SCAI: variants seen among roughly 807,000 people sequenced by gnomAD.
SCAI encodes the protein suppressor of cancer cell invasion, also known as protein SCAI.
Under a neutral mutation model 92.2 loss-of-function variants are expected in SCAI, and 24 were observed. The ratio of observed to expected loss-of-function variants is 0.26; its 90% confidence interval spans 0.19 to 0.37. The LOEUF is 0.37. SCAI is among the 10% of genes least tolerant of loss of function. The pLI is 1.00. For missense variants in SCAI, 450 were observed against 736.2 expected (o/e 0.61, Z 4.50); for synonymous variants, 261 against 258.6 (o/e 1.01, Z -0.09).
intron 2 of SCAI, among the ~76,000 whole-genome samples, chr9:125,119,743 C>T (rs923182898): frequency 6.6e-5 from 10 of 152,222 alleles, no homozygotes; most frequent in African/African-American, 2.2e-4. Context: ...CTCTGCTCTA[C>T]ATATAAACAC....
At chr9:125,111,964 C>T (rs1178739288) in intron 2 of SCAI, among the ~76,000 whole-genome samples, 6 of 152,032 alleles carry the variant, frequency 3.9e-5, no homozygotes, top group East Asian at 1.9e-4. Flanking sequence ...TCAAGTATTC[C>T]GCCAAGTACT....
chr9:125,001,981 A>T lies in SCAI; in HGVS notation c.1128T>A (p.Gly376=). The T allele has an allele frequency of 1.2e-6, 2 of 1,612,756 alleles. No homozygotes were observed. The highest frequency in any genetic ancestry group is 1.7e-6 in the Non-Finnish European group (2 of 1,178,788). The change falls in exon 12 of 18, where the codon GGT becomes GGA. Residue 376 remains glycine, a synonymous_variant. Coordinates refer to ENST00000336505, the MANE Select transcript of SCAI (RefSeq NM_001144877.3). ...YLSATGVFPT[G]RSDSEGPYDF... ...TTATTGTACCTTCACTATCAGAACG[A>T]CCTGTGGGGAAAACGCCAGTGGCCG...
chr9:124,973,571 G>A (rs1302636689), intron 15 of SCAI, among the ~76,000 whole-genome samples: 2 of 152,168 alleles, frequency 1.3e-5, no homozygotes, highest in East Asian at 1.9e-4. Context: ...GGTGGCTCAC[G>A]CCTGTAATCC....
intron 2 of SCAI, among the ~76,000 whole-genome samples, chr9:125,123,784 GAAAC>G (rs947641487): frequency 2.6e-5 from 4 of 152,230 alleles, no homozygotes; most frequent in Non-Finnish European, 4.4e-5. Flanking sequence ...AAGAAACAAA[GAAAC>G]AAACAAACAA....
At chr9:125,009,791 G>A (rs1165457092) in intron 9 of SCAI, among the ~76,000 whole-genome samples, 2 of 152,134 alleles carry the variant, frequency 1.3e-5, no homozygotes, top group Non-Finnish European at 2.9e-5. Context: ...TACTCAGGAG[G>A]CTGAGGCAGG....
At chr9:125,104,602 T>TA (rs1834738094) in intron 2 of SCAI, among the ~76,000 whole-genome samples, 1 of 124,074 alleles carries the variant, frequency 8.1e-6, no homozygotes, top group Non-Finnish European at 1.7e-5. Flanking sequence ...GTGTTTTACT[T>TA]TAAAAAAAAA....
At chr9:125,019,997 C>T (rs1832836888) in intron 7 of SCAI, among the ~76,000 whole-genome samples, 1 of 151,200 alleles carries the variant, frequency 6.6e-6, no homozygotes, top group African/African-American at 2.4e-5. Flanking sequence ...CTGCTTGAGC[C>T]CAGGAGGCAG....
chr9:125,053,195 G>A lies in SCAI; in HGVS notation c.230+2681C>T, dbSNP rs978625008. Reference sequence around the variant, plus strand: ...CCAAAAATACAAAAATTACTTGGGCGTGGTGTTAGGCACCTGTAATTTCAG... The same window carrying A: ...CCAAAAATACAAAAATTACTTGGGCATGGTGTTAGGCACCTGTAATTTCAG... On this transcript the variant is annotated intron_variant, in intron 3 of 17. Coordinates refer to ENST00000336505, the MANE Select transcript of SCAI (RefSeq NM_001144877.3). 2.6e-5 allele frequency among the ~76,000 whole-genome samples: 4 copies of A among 152,056 alleles called. No individual in the cohort carries two copies. The South Asian group carries it at 6.2e-4, about 24-fold the overall frequency.
chr9:124,965,837 A>C (rs1831528464), intron 17 of SCAI, among the ~76,000 whole-genome samples: 1 of 152,142 alleles, frequency 6.6e-6, no homozygotes, highest in Non-Finnish European at 1.5e-5. Flanking sequence ...CTTCATATGG[A>C]TCCCATGGTG....
chr9:125,005,339 T>A (rs944139418), intron 9 of SCAI, among the ~76,000 whole-genome samples: 1 of 152,062 alleles, frequency 6.6e-6, no homozygotes, highest in Non-Finnish European at 1.5e-5. Context: ...TTAATATACG[T>A]GTGTGTGTAT....
intron 17 of SCAI, chr9:124,968,807 C>T: frequency 1.4e-6 from 1 of 735,216 alleles, no homozygotes; most frequent in Non-Finnish European, 2.4e-6. Flanking sequence ...TGCGCAGGCC[C>T]CAGCAGCCAT....
intron 2 of SCAI, among the ~76,000 whole-genome samples, chr9:125,107,814 C>G (rs1216694323): frequency 6.6e-6 from 1 of 152,074 alleles, no homozygotes; most frequent in Admixed American, 6.5e-5. Context: ...CTCCCCTCTC[C>G]CCTCTCCATC....
chr9:125,007,265 T>C (rs1832530753), intron 9 of SCAI, among the ~76,000 whole-genome samples: 1 of 152,206 alleles, frequency 6.6e-6, no homozygotes, highest in Non-Finnish European at 1.5e-5. Flanking sequence ...ACACTTGTAG[T>C]TAGCATAACT....
intron 2 of SCAI, among the ~76,000 whole-genome samples, chr9:125,093,422 T>C (rs769017785): frequency 1.3e-5 from 2 of 152,160 alleles, no homozygotes; most frequent in African/African-American, 2.4e-5. Context: ...AAGTTTCCAC[T>C]GATGGTTCAC....
chr9:124,959,834 C>A (rs1375954441), intron 17 of SCAI, among the ~76,000 whole-genome samples: 1 of 151,964 alleles, frequency 6.6e-6, no homozygotes, highest in Non-Finnish European at 1.5e-5. Context: ...TGGTTTCCAC[C>A]TTCATCAATG....
intron 14 of SCAI, among the ~76,000 whole-genome samples, chr9:124,984,785 G>A (rs1297369752): frequency 6.6e-6 from 1 of 152,026 alleles, no homozygotes; most frequent in Non-Finnish European, 1.5e-5. Flanking sequence ...AGAGAGGTCT[G>A]GCTTGGAGGT....
At chr9:125,118,159 C>T (rs1481193797) in intron 2 of SCAI, among the ~76,000 whole-genome samples, 1 of 152,118 alleles carries the variant, frequency 6.6e-6, no homozygotes, top group Non-Finnish European at 1.5e-5. Flanking sequence ...AAAATCTACA[C>T]ATTATATGTA....
Position 125,090,223 on chromosome 9 carries a change from A to G in SCAI, c.99-34216T>C, listed in dbSNP as rs140130277. Among the ~76,000 whole-genome samples the G allele has an allele frequency of 2.0e-5, 3 of 152,328 alleles. No individual in the cohort carries two copies. In the East Asian group the frequency reaches 5.8e-4, roughly 29 times the overall value. ...AGATTTTATAAAATATCTGCTAGAT[A>G]AGTTACTCTGCCTTATGCAAGATAG... On this transcript the variant is annotated intron_variant, in intron 2 of 17. Transcript: ENST00000336505.
At chr9:124,959,270 T>TA (rs200126413) in intron 17 of SCAI, among the ~76,000 whole-genome samples, 2,289 of 118,936 alleles carry the variant, frequency 0.019, 56 homozygotes, top group African/African-American at 0.067. Flanking sequence ...TAATAAAATT[T>TA]AAAAAAAAAA....
Sources: allele counts gnomAD v4.1 joint callset (sites outside exome capture counted in the v4.1 genomes callset), GRCh38; gene constraint gnomAD v4.1.1; transcripts MANE v1.5; gene names NCBI Gene and HGNC (gene_info 2026-07-23, HGNC 2026-07-21).